The following PROZ variants were observed in gnomAD, a reference collection of about 807,000 sequenced individuals.
The protein encoded by PROZ is vitamin K-dependent protein Z.
Under a neutral mutation model 34.9 loss-of-function variants are expected in PROZ, and 46 were observed. The observed-to-expected ratio is 1.32, with a 90% CI of 1.04 to 1.69. The LOEUF is 1.69. Ranked by LOEUF, PROZ falls within the 40% of genes most tolerant of loss-of-function variation. PROZ has a pLI of 0.00. For synonymous variants in PROZ, 195 were observed against 208.5 expected (o/e 0.94, Z 0.56); for missense variants, 530 against 520.4 (o/e 1.02, Z -0.18).
chr13:113,168,935 C>T (rs1234156117), intron 6 of PROZ, among the ~76,000 whole-genome samples: 1 of 152,118 alleles, frequency 6.6e-6, no homozygotes, highest in Non-Finnish European at 1.5e-5. Flanking sequence ...TGCTATGTTG[C>T]TCAGGCTGGT....
Position 113,159,950 on chromosome 13 carries a change from A to G in PROZ, c.71-64A>G. 1 of 1,594,838 alleles carries G rather than the reference A, an allele frequency of 6.3e-7. No individual in the cohort carries two copies. The highest frequency in any genetic ancestry group is 8.6e-7 in the Non-Finnish European group (1 of 1,164,220). ...CTGGCGGCCGGCCGGGGAGGAAGCCAGGCAGCTCTGGAAAGCAGGGCCCTC... is the reference window on the plus strand; with the variant it reads ...CTGGCGGCCGGCCGGGGAGGAAGCCGGGCAGCTCTGGAAAGCAGGGCCCTC... On this transcript the variant is annotated intron_variant, in intron 1 of 7. Coordinates refer to ENST00000375547, the MANE Select transcript of PROZ (RefSeq NM_003891.3). This position sits in a 1 kb window ranked among gnomAD's most constrained non-coding sequence, Gnocchi z 4.6.
chr13:113,166,165 T>C (rs1188534317), intron 6 of PROZ: 1 of 152,238 alleles, frequency 6.6e-6, no homozygotes, highest in East Asian at 1.9e-4. Context: ...AGAAATGCAG[T>C]GTAAACCACA....
In PROZ at chr13:113,159,365, G is replaced by C; in HGVS notation, c.70+635G>C. The C allele has an allele frequency of 7.8e-7, 1 of 1,277,264 alleles. No homozygotes were observed. Among genetic ancestry groups the C allele is most frequent in the South Asian group, 1.3e-5 (1 of 77,026 alleles). 79.1% of individuals were successfully genotyped at this position (1,277,264 alleles called of 1,614,324 possible). On this transcript the variant is annotated intron_variant, in intron 1 of 7. Transcript: ENST00000375547. This position sits in a 1 kb window ranked among gnomAD's most constrained non-coding sequence, Gnocchi z 4.6. The stretch of plus-strand genomic sequence containing the variant: ...TGATCCCCCCGCCCTGCCCTGCCCA[G>C]CACTTACCGTAGCCGGACTTAGCTG...
rs3024752 is a variant in PROZ, at chr13:113,168,164, T to G, written c.574-2249T>G. ...CATTATTTTTGTTTAAACAGTATCC[T>G]GTAAAGAAGTTTAAAGAATAAGGAA... On this transcript the variant is annotated intron_variant, in intron 6 of 7. Coordinates refer to ENST00000375547, the MANE Select transcript of PROZ (RefSeq NM_003891.3). 7.5e-3 allele frequency among the ~76,000 whole-genome samples: 1,150 copies of G among 152,380 alleles called. 19 individuals carry two copies. Among genetic ancestry groups the G allele is most frequent in the African/African-American group, 0.026 (1,101 of 41,590 alleles).
intron 6 of PROZ, among the ~76,000 whole-genome samples, chr13:113,167,755 A>G (rs1275938243): frequency 6.6e-6 from 1 of 152,186 alleles, no homozygotes; most frequent in Non-Finnish European, 1.5e-5. Flanking sequence ...TCTGCCTTTT[A>G]ATTGGGGTAT....
chr13:113,169,708 G>A (rs1455292779), intron 6 of PROZ, among the ~76,000 whole-genome samples: 1 of 152,212 alleles, frequency 6.6e-6, no homozygotes, highest in South Asian at 2.1e-4. Flanking sequence ...ACTGAGTCAG[G>A]GATGTTTTAA....
intron 2 of PROZ, 109 bp from the exon 3 acceptor site, chr13:113,160,839 C>A: frequency 1.1e-6 from 1 of 952,092 alleles, no homozygotes; most frequent in Non-Finnish European, 1.7e-6. Context: ...CACTATTGTC[C>A]TATTAAGTGA....
Position 113,163,406 on chromosome 13 carries a change from T to C in PROZ, c.373+284T>C, listed in dbSNP as rs542721583. Among the ~76,000 whole-genome samples, 52 of 152,062 alleles carry C rather than the reference T, an allele frequency of 3.4e-4. No homozygotes were observed. In the South Asian group the frequency reaches 9.1e-3, roughly 27 times the overall value. The stretch of plus-strand genomic sequence containing the variant: ...CCCCCACCACCTCAACCATTCACAA[T>C]CTGCTCACAGGCTGGGGGGGTCACA... On this transcript the variant is annotated intron_variant, in intron 4 of 7. Coordinates refer to ENST00000375547, the MANE Select transcript of PROZ (RefSeq NM_003891.3).
chr13:113,158,847 C>G lies in PROZ; in HGVS notation c.70+117C>G. 9.8e-7 allele frequency: 1 copy of G among 1,024,214 alleles called. No individual in the cohort carries two copies. The highest frequency in any genetic ancestry group is 1.5e-6 in the Non-Finnish European group (1 of 676,326). The allele number at this position is 1,024,214 out of a possible 1,614,324, so 63.4% of individuals were successfully genotyped here. A position where few individuals can be genotyped will look rare whatever the true frequency, so the allele number is the denominator to read the frequency against. ...GCCAGAGGAGCCCTGAGTGCCCAGACTAGTCTTAATTCCCCTGAAAAAGCT... is the reference window on the plus strand; with the variant it reads ...GCCAGAGGAGCCCTGAGTGCCCAGAGTAGTCTTAATTCCCCTGAAAAAGCT... On this transcript the variant is annotated intron_variant, in intron 1 of 7. Coordinates refer to ENST00000375547, the MANE Select transcript of PROZ (RefSeq NM_003891.3). This position sits in a 1 kb window ranked among gnomAD's most constrained non-coding sequence, Gnocchi z 4.3.
rs1180032849 is a variant in PROZ at position 113,159,335 on chromosome 13, G to A, written c.70+605G>A. Reference sequence around the variant, plus strand: ...CTGGCCCCATGGTCTCCCACCCTGAGAGGGTGATCCCCCCGCCCTGCCCTG... The same window carrying A: ...CTGGCCCCATGGTCTCCCACCCTGAAAGGGTGATCCCCCCGCCCTGCCCTG... On this transcript the variant is annotated intron_variant, in intron 1 of 7. Transcript: ENST00000375547. This position sits in a 1 kb window ranked among gnomAD's most constrained non-coding sequence, Gnocchi z 4.6. The A allele has an allele frequency of 4.2e-6, 6 of 1,433,432 alleles. No homozygotes were observed. In the African/African-American group the frequency reaches 8.5e-5, roughly 20 times the overall value. The allele number at this position is 1,433,432 out of a possible 1,614,324, so 88.8% of individuals were successfully genotyped here.
intron 2 of PROZ, among the ~76,000 whole-genome samples, chr13:113,160,691 T>A: frequency 6.6e-6 from 1 of 152,168 alleles, no homozygotes; most frequent in Non-Finnish European, 1.5e-5. Flanking sequence ...GTTTGTGCCA[T>A]GTCATAGACT....
At chr13:113,166,434 A>G (rs1477145197) in intron 6 of PROZ, 3 of 152,040 alleles carry the variant, frequency 2.0e-5, no homozygotes, top group Non-Finnish European at 2.9e-5. Context: ...CTTGTGAGTA[A>G]TAAGCCCCTG....
Position 113,170,554 on chromosome 13 carries a change from T to C in PROZ, c.691+24T>C, listed in dbSNP as rs72663588. The C allele has an allele frequency of 2.6e-3, 3,585 of 1,373,822 alleles. 15 individuals are homozygous for C. Among genetic ancestry groups the C allele is most frequent in the Middle Eastern group, 3.5e-3 (17 of 4,830 alleles). 85.1% of individuals were successfully genotyped at this position (1,373,822 alleles called of 1,614,324 possible). On this transcript the variant is annotated intron_variant, in intron 7 of 7. Transcript: ENST00000375547. ...ATGTAAGTATTTTATCATGAGTTTTTATAAAACCACATTGGAAATACACTA... is the reference window on the plus strand; with the variant it reads ...ATGTAAGTATTTTATCATGAGTTTTCATAAAACCACATTGGAAATACACTA...
intron 4 of PROZ, among the ~76,000 whole-genome samples, 187 bp downstream of exon 4, chr13:113,163,309 G>C (rs896768205): frequency 5.3e-5 from 8 of 152,102 alleles, no homozygotes; most frequent in African/African-American, 1.7e-4. Context: ...ACCACGCCGG[G>C]GGCTGGCTGC....
chr13:113,172,369 T>G lies in PROZ; in HGVS notation c.*264T>G, dbSNP rs938882082. On this transcript the variant is annotated 3_prime_UTR_variant, in exon 8 of 8. Transcript: ENST00000375547. ...TACGTTAAATAATAAAATAAGATAATCTGTCAGTCATAAAGCAGCCTGGTT... is the reference window on the plus strand; with the variant it reads ...TACGTTAAATAATAAAATAAGATAAGCTGTCAGTCATAAAGCAGCCTGGTT... 3 of 490,566 alleles carry G rather than the reference T, an allele frequency of 6.1e-6. No individual in the cohort carries two copies. Among genetic ancestry groups the G allele is most frequent in the African/African-American group, 1.9e-5 (1 of 51,416 alleles). The allele number at this position is 490,566 out of a possible 1,614,324, so 30.4% of individuals were successfully genotyped here.
Position 113,164,564 on chromosome 13 carries a change from T to A in PROZ, c.425T>A (p.Leu142His). The A allele has an allele frequency of 6.2e-7, 1 of 1,613,204 alleles. No individual in the cohort carries two copies. The highest frequency in any genetic ancestry group is 1.7e-5 in the Admixed American group (1 of 59,878). Reference protein sequence around the residue: ...ERTDGCQHFCLPGQESYTCSC... With the variant: ...ERTDGCQHFCHPGQESYTCSC... The stretch of plus-strand genomic sequence containing the variant: ...ACTGATGGGTGTCAACACTTCTGCC[T>A]CCCAGGACAGGAATCCTACACATGC... Residue 142 changes from leucine to histidine, a missense_variant, in exon 5 of 8, where the codon CTC becomes CAC. Physicochemically the swap from Leu to His is moderately conservative, Grantham distance 99. Coordinates refer to ENST00000375547, the MANE Select transcript of PROZ (RefSeq NM_003891.3).
chr13:113,165,329 C>T lies in PROZ; in HGVS notation c.573+209C>T, dbSNP rs896169609. Reference sequence around the variant, plus strand: ...TACAAAAGGACAGCATTATTTACAGCCCCCAAGACCTTTCCTCTGCAGTTC... The same window carrying T: ...TACAAAAGGACAGCATTATTTACAGTCCCCAAGACCTTTCCTCTGCAGTTC... On this transcript the variant is annotated intron_variant, in intron 6 of 7. Coordinates refer to ENST00000375547, the MANE Select transcript of PROZ (RefSeq NM_003891.3). 7.8e-6 allele frequency: 5 copies of T among 643,594 alleles called. No individual in the cohort carries two copies. The Admixed American group carries it at 1.1e-4, about 14-fold the overall frequency. 39.9% of individuals were successfully genotyped at this position (643,594 alleles called of 1,614,324 possible).
intron 3 of PROZ, 109 bp from the exon 4 acceptor site, chr13:113,162,900 T>TCCC: frequency 4.2e-6 from 1 of 240,426 alleles, no homozygotes; most frequent in Non-Finnish European, 7.7e-6. Context: ...CACCCCCCAC[T>TCCC]CCATCCTCCT....
At chr13:113,169,049 T>TC (rs2037032161) in intron 6 of PROZ, among the ~76,000 whole-genome samples, 1 of 152,162 alleles carries the variant, frequency 6.6e-6, no homozygotes, top group Non-Finnish European at 1.5e-5. Context: ...AGATTTTTTT[T>TC]CTCTCCTCCT....
Sources: allele counts gnomAD v4.1 joint callset (sites outside exome capture counted in the v4.1 genomes callset), GRCh38; gene constraint gnomAD v4.1.1; non-coding constraint Gnocchi (gnomAD v3.1); transcripts MANE v1.5; gene names NCBI Gene and HGNC (gene_info 2026-07-23, HGNC 2026-07-21).